The following VPS13B variants were observed in gnomAD, a reference collection of about 807,000 sequenced individuals.
VPS13B encodes vacuolar protein sorting 13 homolog B, also known as intermembrane lipid transfer protein VPS13B.
In VPS13B, 285 loss-of-function variants were observed where a neutral mutation model predicts 426.4. That is an observed-to-expected ratio of 0.67 (90% CI 0.61 to 0.74). VPS13B has a LOEUF of 0.74. VPS13B is among the 30% of genes least tolerant of loss of function. The pLI is 0.00. For missense variants in VPS13B, 4,537 were observed against 4,782.6 expected (o/e 0.95, Z 1.51); for synonymous variants, 1,676 against 1,676.4 (o/e 1.00, Z 0.01).
intron 3 of VPS13B, among the ~76,000 whole-genome samples, chr8:99,086,437 C>T (rs1000591980): frequency 3.9e-5 from 6 of 152,094 alleles, no homozygotes; most frequent in Admixed American, 3.9e-4. Context: ...GTTTGATCGT[C>T]TGAAGCCTTC....
At chr8:99,104,332 G>A (rs1188880933) in intron 5 of VPS13B, among the ~76,000 whole-genome samples, 1 of 152,130 alleles carries the variant, frequency 6.6e-6, no homozygotes, top group Non-Finnish European at 1.5e-5. Flanking sequence ...CTTAGGTATT[G>A]TTATGCAGTG....
chr8:99,508,816 G>T (rs1022212659), intron 28 of VPS13B, among the ~76,000 whole-genome samples: 18 of 151,012 alleles, frequency 1.2e-4, no homozygotes, highest in Non-Finnish European at 2.9e-5. Context: ...ATAGTATAAA[G>T]TATTATTACT....
intron 31 of VPS13B, among the ~76,000 whole-genome samples, chr8:99,567,363 C>T (rs1010254775): frequency 2.0e-5 from 3 of 151,922 alleles, no homozygotes; most frequent in East Asian, 1.9e-4. Flanking sequence ...ATTTAGTATG[C>T]TCATAAAACT....
At chr8:99,536,886 G>A (rs775173592) in intron 30 of VPS13B, 22 of 463,442 alleles carry the variant, frequency 4.7e-5, no homozygotes, top group Middle Eastern at 4.0e-4. Flanking sequence ...CCAAAAACTA[G>A]GGAAAAAAAG....
chr8:99,584,642 G>GAAA (rs1157833555), intron 33 of VPS13B, among the ~76,000 whole-genome samples: 1 of 152,196 alleles, frequency 6.6e-6, no homozygotes, highest in Non-Finnish European at 1.5e-5. Flanking sequence ...AGCAGTATAT[G>GAAA]AAAAGTGTTA....
Position 99,744,915 on chromosome 8 carries a change from A to T in VPS13B, c.7051-21859A>T, listed in dbSNP as rs914399110. Among the ~76,000 whole-genome samples, 7 of 152,160 alleles carry T rather than the reference A, an allele frequency of 4.6e-5. No homozygotes were observed. In the South Asian group the frequency reaches 8.3e-4, roughly 18 times the overall value. ...CAGCACACCAACATGGCACATGTAT[A>T]CATATGTAACTAACCTGCACAATGT... On this transcript the variant is annotated intron_variant, in intron 39 of 61. Transcript: ENST00000357162.
chr8:99,050,563 T>A (rs1433591722), intron 3 of VPS13B, among the ~76,000 whole-genome samples: 2 of 152,216 alleles, frequency 1.3e-5, no homozygotes, highest in Non-Finnish European at 2.9e-5. Context: ...AATGGATGGC[T>A]GGGTCAAATG....
intron 22 of VPS13B, among the ~76,000 whole-genome samples, chr8:99,432,083 A>G (rs1013481003): frequency 6.6e-6 from 1 of 152,092 alleles, no homozygotes; most frequent in Non-Finnish European, 1.5e-5. Flanking sequence ...TATGAAAATT[A>G]TAATAGCTAT....
intron 17 of VPS13B, among the ~76,000 whole-genome samples, chr8:99,197,088 C>T (rs898013241): frequency 6.6e-6 from 1 of 152,140 alleles, no homozygotes; most frequent in Non-Finnish European, 1.5e-5. Flanking sequence ...GATGATATGA[C>T]TTTTGTCCTT....
chr8:99,021,723 C>G (rs781770435), intron 2 of VPS13B, among the ~76,000 whole-genome samples: 9 of 152,172 alleles, frequency 5.9e-5, no homozygotes, highest in Non-Finnish European at 1.0e-4. Flanking sequence ...CTCCCAGGCT[C>G]AAGCTATCTT....
intron 3 of VPS13B, among the ~76,000 whole-genome samples, chr8:99,085,156 A>G (rs1207396405): frequency 6.6e-6 from 1 of 152,108 alleles, no homozygotes; most frequent in African/African-American, 2.4e-5. Context: ...GTGCATATAT[A>G]TTTAGGATAG....
At chr8:99,749,215 A>G (rs1404516432) in intron 39 of VPS13B, among the ~76,000 whole-genome samples, 1 of 151,990 alleles carries the variant, frequency 6.6e-6, no homozygotes, top group Non-Finnish European at 1.5e-5. Context: ...CACCTCAAGC[A>G]TTTATCATTT....
intron 2 of VPS13B, among the ~76,000 whole-genome samples, chr8:99,017,463 T>C (rs1269146693): frequency 3.3e-5 from 5 of 152,132 alleles, no homozygotes; most frequent in African/African-American, 4.8e-5. Flanking sequence ...ATAACTATTT[T>C]AGGTCCTTTG....
intron 3 of VPS13B, among the ~76,000 whole-genome samples, chr8:99,064,797 ACATAATT>A (rs1224003217): frequency 1.3e-5 from 2 of 152,158 alleles, no homozygotes; most frequent in Admixed American, 6.5e-5. Context: ...ACTCCAAGAC[ACATAATT>A]GTCAGATTCA....
intron 40 of VPS13B, among the ~76,000 whole-genome samples, chr8:99,769,376 A>G (rs980441449): frequency 1.3e-5 from 2 of 152,240 alleles, no homozygotes; most frequent in Admixed American, 6.5e-5. Flanking sequence ...TAATATGTCA[A>G]TATTTCATGC....
chr8:99,837,732 C>T (rs559387418), intron 54 of VPS13B, among the ~76,000 whole-genome samples: 59 of 152,184 alleles, frequency 3.9e-4, no homozygotes, highest in Non-Finnish European at 6.6e-4. Flanking sequence ...AGACCCTCAC[C>T]GACATCTCCT....
At chr8:99,328,217 G>T (rs1226883390) in intron 19 of VPS13B, among the ~76,000 whole-genome samples, 1 of 152,140 alleles carries the variant, frequency 6.6e-6, no homozygotes, top group Non-Finnish European at 1.5e-5. Context: ...ATGATCTGAG[G>T]TGGAACAGTT....
chr8:99,721,192 CCA>C, intron 39 of VPS13B, 145 bp downstream of exon 39: 1 of 832,506 alleles, frequency 1.2e-6, no homozygotes, highest in Non-Finnish European at 2.0e-6. Flanking sequence ...GTGTGTGTAT[CCA>C]CACACATATA....
At chr8:99,134,950 A>G (rs1189745190) in intron 9 of VPS13B, 65 bp from the exon 10 acceptor site, 6 of 1,585,924 alleles carry the variant, frequency 3.8e-6, no homozygotes, top group Admixed American at 1.7e-5. Flanking sequence ...AGATTCTACA[A>G]GGAAAGCCTC....
Sources: allele counts gnomAD v4.1 joint callset (sites outside exome capture counted in the v4.1 genomes callset), GRCh38; gene constraint gnomAD v4.1.1; transcripts MANE v1.5; gene names NCBI Gene and HGNC (gene_info 2026-07-23, HGNC 2026-07-21).